Variants in TLN2 observed in about 807,000 individuals in gnomAD.
The protein encoded by TLN2 is talin 2.
TLN2 carries 118 observed loss-of-function variants against 294.7 expected under a neutral mutation model. The observed-to-expected ratio is 0.40, with a 90% CI of 0.34 to 0.47. TLN2 has a LOEUF of 0.47. TLN2 is among the 20% of genes least tolerant of loss of function. The pLI, the probability that TLN2 is intolerant of heterozygous loss-of-function variation, is 0.84. For missense variants in TLN2, 3,083 were observed against 3,282.2 expected (o/e 0.94, Z 1.48); for synonymous variants, 1,431 against 1,304.5 (o/e 1.10, Z -2.09).
intron 21 of TLN2, among the ~76,000 whole-genome samples, chr15:62,709,218 C>G (rs763153288): frequency 6.6e-6 from 1 of 152,106 alleles, no homozygotes; most frequent in Non-Finnish European, 1.5e-5. Context: ...CCGGGGTGGT[C>G]AGGAGGGAGA....
chr15:62,755,501 G>A (rs1024980876), intron 36 of TLN2, 31 bp from the exon 37 acceptor site: 1 of 1,610,806 alleles, frequency 6.2e-7, no homozygotes, highest in South Asian at 1.1e-5. Context: ...TGTAGCATGG[G>A]GTACCCCCAA....
At chr15:62,622,922 A>G (rs1032828046) in intron 3 of TLN2, among the ~76,000 whole-genome samples, 2 of 152,128 alleles carry the variant, frequency 1.3e-5, no homozygotes, top group African/African-American at 2.4e-5. Flanking sequence ...GCCCAGACCA[A>G]TTGCTCAGAG....
intron 1 of TLN2, among the ~76,000 whole-genome samples, chr15:62,501,798 T>G (rs2039323921): frequency 6.6e-6 from 1 of 152,222 alleles, no homozygotes; most frequent in Non-Finnish European, 1.5e-5. Flanking sequence ...CTTTTCATGT[T>G]TTTTATTTAA....
chr15:62,552,440 A>G (rs371036774), intron 1 of TLN2, among the ~76,000 whole-genome samples: 40 of 152,288 alleles, frequency 2.6e-4, no homozygotes, highest in African/African-American at 8.9e-4. Flanking sequence ...GAGTTGATCA[A>G]TGTGCACATT....
chr15:62,540,092 C>A (rs1230742556), intron 1 of TLN2, among the ~76,000 whole-genome samples: 1 of 152,164 alleles, frequency 6.6e-6, no homozygotes, highest in Non-Finnish European at 1.5e-5. Flanking sequence ...GTAATCCCAG[C>A]ACTTTGGGAG....
At chr15:62,616,654 T>A (rs2048337525) in intron 2 of TLN2, among the ~76,000 whole-genome samples, 1 of 152,218 alleles carries the variant, frequency 6.6e-6, no homozygotes, top group South Asian at 2.1e-4. Flanking sequence ...AGTCATGGTG[T>A]GAGTTTCTCC....
chr15:62,768,486 A>G (rs1041748678), intron 41 of TLN2, among the ~76,000 whole-genome samples: 1 of 152,138 alleles, frequency 6.6e-6, no homozygotes, highest in Non-Finnish European at 1.5e-5. Flanking sequence ...TCTTATTTCA[A>G]GGTCTTTAAA....
intron 30 of TLN2, among the ~76,000 whole-genome samples, chr15:62,738,919 T>C (rs1480289479): frequency 2.0e-5 from 3 of 152,228 alleles, no homozygotes; most frequent in Non-Finnish European, 4.4e-5. Context: ...TGGTGGCTAT[T>C]AGTTTGGAAG....
At chr15:62,409,059 C>T (rs1039451801) in intron 1 of TLN2, among the ~76,000 whole-genome samples, 4 of 151,908 alleles carry the variant, frequency 2.6e-5, no homozygotes, top group Non-Finnish European at 2.9e-5. Flanking sequence ...CTCACTGTAA[C>T]CTCTGCCCTC....
intron 33 of TLN2, among the ~76,000 whole-genome samples, chr15:62,748,814 G>T (rs1305794982): frequency 2.0e-5 from 3 of 152,192 alleles, no homozygotes; most frequent in Non-Finnish European, 2.9e-5. Flanking sequence ...GGAACAATGG[G>T]GAGAGAGCTA....
chr15:62,577,384 T>C (rs1865484), intron 1 of TLN2, among the ~76,000 whole-genome samples: 146,547 of 152,278 alleles, frequency 0.96, 70,771 homozygotes, highest in Middle Eastern at 1. Context: ...GCGGAGGTTG[T>C]GGTGAGCCGA....
intron 34 of TLN2, 68 bp from the exon 35 acceptor site, chr15:62,752,237 T>G (rs1469788378): frequency 1.3e-6 from 2 of 1,569,832 alleles, no homozygotes; most frequent in African/African-American, 2.7e-5. Context: ...AGTTGGAGTG[T>G]AGCCTCCTTT....
At chr15:62,626,978 A>G (rs1291251114) in intron 3 of TLN2, among the ~76,000 whole-genome samples, 1 of 152,234 alleles carries the variant, frequency 6.6e-6, no homozygotes. Flanking sequence ...TTACATTAAC[A>G]TAAGTATTTT....
rs1411383443 is a variant in TLN2 at position 62,838,932 on chromosome 15, A to T, written c.7451A>T (p.Asp2484Val). The T allele has an allele frequency of 2.5e-6, 4 of 1,613,960 alleles. No individual in the cohort carries two copies. In the Admixed American group the frequency reaches 6.7e-5, roughly 27 times the overall value. The change falls in exon 58 of 59, where the codon GAT becomes GTT. Residue 2484 changes from aspartate to valine, a missense_variant. Asp to Val is a radical substitution (Grantham distance 152). Transcript: ENST00000636159. ...AAQKAAFGKA[D>V]DDDVVVKTKF... ...CAGAAGGCAGCTTTTGGCAAAGCTG[A>T]TGACGACGATGTTGTAGTGAAAACC... is the stretch of plus-strand genomic sequence containing the variant.
intron 1 of TLN2, among the ~76,000 whole-genome samples, chr15:62,415,550 G>C (rs2034023883): frequency 6.6e-6 from 1 of 151,274 alleles, no homozygotes; most frequent in Non-Finnish European, 1.5e-5. Flanking sequence ...TGAGGGGAAA[G>C]AGGACAGCTA....
Position 62,844,520 on chromosome 15 carries a change from A to T in TLN2, c.*3910A>T, listed in dbSNP as rs948245604. 6.6e-6 allele frequency: 1 copy of T among 152,128 alleles called. No homozygotes were observed. The highest frequency in any genetic ancestry group is 2.4e-5 in the African/African-American group (1 of 41,422). 9.4% of individuals were successfully genotyped at this position (152,128 alleles called of 1,614,324 possible). A position where few individuals can be genotyped will look rare whatever the true frequency, so the allele number is the denominator to read the frequency against. Reference sequence around the variant, plus strand: ...CACCAACCTTCAAGATCCAGAAGAAAACAGGAACGTTCAGCTCTGCCCTGT... The same window carrying T: ...CACCAACCTTCAAGATCCAGAAGAATACAGGAACGTTCAGCTCTGCCCTGT... On this transcript the variant is annotated 3_prime_UTR_variant, in exon 59 of 59. Transcript: ENST00000636159.
intron 1 of TLN2, among the ~76,000 whole-genome samples, chr15:62,412,010 G>GT (rs2033807179): frequency 6.6e-6 from 1 of 152,138 alleles, no homozygotes; most frequent in Non-Finnish European, 1.5e-5. Context: ...ATGCTCTGGC[G>GT]TATTTAACAG....
At chr15:62,494,794 C>T (rs1025429695) in intron 1 of TLN2, among the ~76,000 whole-genome samples, 5 of 152,098 alleles carry the variant, frequency 3.3e-5, no homozygotes, top group African/African-American at 7.2e-5. Context: ...TGCATTCATT[C>T]GGTGCTGGAA....
At chr15:62,696,235 C>G (rs1253932358) in intron 14 of TLN2, among the ~76,000 whole-genome samples, 1 of 152,198 alleles carries the variant, frequency 6.6e-6, no homozygotes, top group Non-Finnish European at 1.5e-5. Context: ...ACAGAGGTCC[C>G]TGTCTCTTCA....
Sources: allele counts gnomAD v4.1 joint callset (sites outside exome capture counted in the v4.1 genomes callset), GRCh38; gene constraint gnomAD v4.1.1; transcripts MANE v1.5; gene names NCBI Gene and HGNC (gene_info 2026-07-23, HGNC 2026-07-21).